The following CLIP2 variants were observed in gnomAD, a reference collection of about 807,000 sequenced individuals.
The protein encoded by CLIP2 is CAP-Gly domain-containing linker protein 2.
A neutral mutation model predicts 111.7 loss-of-function variants in CLIP2; 41 were observed. That is an observed-to-expected ratio of 0.37 (90% CI 0.29 to 0.48). The LOEUF (loss-of-function observed/expected upper bound fraction) is 0.48, where lower values mean the gene tolerates loss of function less well. Ranked by LOEUF, CLIP2 falls within the 20% of genes least tolerant of loss-of-function variation. The pLI is 0.99. For missense variants in CLIP2, 1,160 were observed against 1,422.1 expected (o/e 0.82, Z 2.96); for synonymous variants, 660 against 644.2 (o/e 1.02, Z -0.37).
At chr7:74,360,308 C>T (rs1790292963) in intron 7 of CLIP2, 30 bp downstream of exon 7, 6 of 1,517,788 alleles carry the variant, frequency 4.0e-6, no homozygotes, top group African/African-American at 2.8e-5. Flanking sequence ...CGCCCTGGCC[C>T]TGAGTCCCCT....
At chr7:74,368,636 A>G (rs1482899654) in intron 8 of CLIP2, among the ~76,000 whole-genome samples, 1 of 152,142 alleles carries the variant, frequency 6.6e-6, no homozygotes, top group Non-Finnish European at 1.5e-5. Flanking sequence ...GCTTCCCTGG[A>G]CCAGGCCCTA....
chr7:74,356,545 C>T lies in CLIP2; in HGVS notation c.939C>T (p.His313=). 6.2e-7 allele frequency: 1 copy of T among 1,614,226 alleles called. No homozygotes were observed. Among genetic ancestry groups the T allele is most frequent in the Non-Finnish European group, 8.5e-7 (1 of 1,180,042 alleles). Residue 313 remains histidine, a synonymous_variant, in exon 5 of 17, where the codon CAC becomes CAT. Coordinates refer to ENST00000223398, the MANE Select transcript of CLIP2 (RefSeq NM_003388.5). ...CCATGGGTGTGTCAGCACTGACCCA[C>T]AGTCCCAGCAGTTCCTCCATCAGCT... ...RMAMGVSALT[H]SPSSSSISSV... is the part of the protein sequence containing the mutation.
intron 1 of CLIP2, among the ~76,000 whole-genome samples, chr7:74,304,002 C>A (rs1788408884): frequency 6.6e-6 from 1 of 151,572 alleles, no homozygotes; most frequent in Admixed American, 6.6e-5. Flanking sequence ...CAGCCTCAAA[C>A]TTCTGGACTC....
At chr7:74,353,439 C>T (rs552681015) in intron 3 of CLIP2, among the ~76,000 whole-genome samples, 15 of 152,136 alleles carry the variant, frequency 9.9e-5, no homozygotes, top group Non-Finnish European at 1.8e-4. Context: ...ATAGTAGAGA[C>T]GGAGTTTCAC....
chr7:74,372,763 G>A (rs868907934), intron 8 of CLIP2, among the ~76,000 whole-genome samples, 169 bp from the exon 9 acceptor site: 4 of 148,598 alleles, frequency 2.7e-5, no homozygotes, highest in South Asian at 2.1e-4. Context: ...CCTCTCTTTC[G>A]CTGAGCAATT....
intron 9 of CLIP2, 66 bp downstream of exon 9, chr7:74,373,102 C>G: frequency 1.1e-6 from 1 of 914,706 alleles, no homozygotes; most frequent in Non-Finnish European, 1.7e-6. Flanking sequence ...CCTCTGGCTT[C>G]TCTGTTTCAT....
intron 7 of CLIP2, among the ~76,000 whole-genome samples, chr7:74,360,891 T>C (rs1374266140): frequency 6.6e-6 from 1 of 152,038 alleles, no homozygotes; most frequent in African/African-American, 2.4e-5. Flanking sequence ...TCCTGCACTC[T>C]CCAGCAGAAT....
intron 12 of CLIP2, 153 bp from the exon 13 acceptor site, chr7:74,388,950 A>C (rs1791197890): frequency 1.2e-6 from 1 of 859,638 alleles, no homozygotes; most frequent in African/African-American, 1.7e-5. Context: ...AGCCAGACCC[A>C]ATCTCTAAAA....
intron 10 of CLIP2, 58 bp from the exon 11 acceptor site, chr7:74,380,748 T>C: frequency 6.8e-7 from 1 of 1,470,006 alleles, no homozygotes. Flanking sequence ...CTGGGCTGGC[T>C]GGGGCTGGGG....
At chr7:74,292,974 G>T (rs115261692) in intron 1 of CLIP2, among the ~76,000 whole-genome samples, 12 of 152,120 alleles carry the variant, frequency 7.9e-5, no homozygotes, top group African/African-American at 2.7e-4. Flanking sequence ...TTTAGGGTCC[G>T]CCCCCAGTTG....
chr7:74,375,394 C>A (rs971508662), intron 9 of CLIP2, among the ~76,000 whole-genome samples: 4 of 151,386 alleles, frequency 2.6e-5, no homozygotes, highest in Non-Finnish European at 4.4e-5. Flanking sequence ...ACTAAAAAAA[C>A]ACAAAAATTC....
chr7:74,371,699 AGAGAGAGAAAGTGGGAAGGAGAGGG>A (rs1554311889), intron 8 of CLIP2, among the ~76,000 whole-genome samples: 1 of 145,682 alleles, frequency 6.9e-6, no homozygotes, highest in African/African-American at 2.6e-5. Context: ...GGGAGAAAGA[AGAGAGAGAAAGTGGGAAGGAGAGGG>A]GAGAGAGAAA....
rs797028495 is a variant in CLIP2, at chr7:74,353,312, G to A, written c.679-568G>A. ...GTTGCCCAGGCTGGAGTGCACTGGC[G>A]CAATCTCGGCTCACTGCAAGCTCCA... On this transcript the variant is annotated intron_variant, in intron 3 of 16. Transcript: ENST00000223398. Among the ~76,000 whole-genome samples the A allele has an allele frequency of 4.0e-5, 6 of 150,190 alleles. No homozygotes were observed. In the South Asian group the frequency reaches 6.3e-4, roughly 16 times the overall value.
intron 8 of CLIP2, among the ~76,000 whole-genome samples, chr7:74,369,248 G>A (rs1378448400): frequency 1.3e-5 from 2 of 152,220 alleles, no homozygotes; most frequent in Non-Finnish European, 2.9e-5. Context: ...CTACTCAGGA[G>A]GCTGAGGCAG....
chr7:74,343,813 G>C (rs942286081), intron 3 of CLIP2, among the ~76,000 whole-genome samples: 1 of 151,998 alleles, frequency 6.6e-6, no homozygotes, highest in South Asian at 2.1e-4. Flanking sequence ...TGAGGTGGGA[G>C]GATCACTTGA....
chr7:74,369,584 C>T (rs534758820), intron 8 of CLIP2, among the ~76,000 whole-genome samples: 5 of 150,684 alleles, frequency 3.3e-5, no homozygotes, highest in Admixed American at 6.6e-5. Flanking sequence ...TGGCTGGGTG[C>T]GGTGGCTCAC....
intron 10 of CLIP2, 111 bp from the exon 11 acceptor site, chr7:74,380,695 C>A: frequency 3.6e-6 from 3 of 825,194 alleles, no homozygotes; most frequent in Non-Finnish European, 5.7e-6. Flanking sequence ...TCACTGAGGT[C>A]CCCCTTTGTA....
At chr7:74,369,058 T>C (rs1194006603) in intron 8 of CLIP2, among the ~76,000 whole-genome samples, 1 of 152,096 alleles carries the variant, frequency 6.6e-6, no homozygotes, top group Non-Finnish European at 1.5e-5. Flanking sequence ...CTACAAAAAT[T>C]AAAGTATTCT....
chr7:74,330,817 C>G (rs1789257255), intron 2 of CLIP2, among the ~76,000 whole-genome samples: 2 of 151,984 alleles, frequency 1.3e-5, no homozygotes, highest in Admixed American at 1.3e-4. Flanking sequence ...TTGTGAAGGT[C>G]AAAATAGTGA....
Sources: allele counts gnomAD v4.1 joint callset (sites outside exome capture counted in the v4.1 genomes callset), GRCh38; gene constraint gnomAD v4.1.1; transcripts MANE v1.5; gene names NCBI Gene and HGNC (gene_info 2026-07-23, HGNC 2026-07-21).